The following ACVR1C variants were observed in gnomAD, a reference collection of about 807,000 sequenced individuals.
ACVR1C encodes activin A receptor type 1C.
A neutral mutation model predicts 57.9 loss-of-function variants in ACVR1C; 23 were observed. That is an observed-to-expected ratio of 0.40 (90% CI 0.29 to 0.56). The LOEUF (loss-of-function observed/expected upper bound fraction) is 0.56. Among genes scored for constraint, ACVR1C ranks in the 20% least tolerant of loss-of-function variants. The pLI is 0.50. For missense variants in ACVR1C, 480 were observed against 607.9 expected (o/e 0.79, Z 2.21); for synonymous variants, 214 against 215.3 (o/e 0.99, Z 0.05).
At chr2:157,562,305 A>ATATAT (rs56764410) in intron 2 of ACVR1C, among the ~76,000 whole-genome samples, 4 of 134,780 alleles carry the variant, frequency 3.0e-5, no homozygotes, top group Non-Finnish European at 6.2e-5. Flanking sequence ...AAAAAAAAAA[A>ATATAT]ATATATATAT....
intron 2 of ACVR1C, among the ~76,000 whole-genome samples, chr2:157,563,725 G>C (rs1200077994): frequency 1.3e-5 from 2 of 152,138 alleles, no homozygotes; most frequent in African/African-American, 4.8e-5. Flanking sequence ...TATACTGCAA[G>C]GCTACAGTAA....
chr2:157,556,240 C>T lies in ACVR1C; in HGVS notation c.397G>A (p.Val133Ile). ...CACTGTCGACCCTGGCATGCCCATA[C>T]TGTCAGCATCGCAGCTATGGACAGG... is the stretch of plus-strand genomic sequence containing the variant. ...CLLSIAAMLT[V>I]WACQGRQCSY... The change falls in exon 3 of 9, where the codon GTA becomes ATA. Residue 133 changes from valine (V) to isoleucine (I), a missense_variant. By Grantham distance (29) the Val-to-Ile change is conservative (BLOSUM62 3). Transcript: ENST00000243349. The T allele has an allele frequency of 6.2e-7, 1 of 1,614,154 alleles. No individual in the cohort carries two copies. Among genetic ancestry groups the T allele is most frequent in the Non-Finnish European group, 8.5e-7 (1 of 1,180,034 alleles).
chr2:157,626,994 A>G (rs1682909914), intron 1 of ACVR1C, among the ~76,000 whole-genome samples: 1 of 152,206 alleles, frequency 6.6e-6, no homozygotes, highest in Non-Finnish European at 1.5e-5. Flanking sequence ...CTTTTCAAGA[A>G]CATGAGGCAT....
intron 1 of ACVR1C, among the ~76,000 whole-genome samples, chr2:157,599,904 C>T (rs989766760): frequency 1.2e-4 from 19 of 152,344 alleles, no homozygotes; most frequent in African/African-American, 4.6e-4. Flanking sequence ...AGTTAGGAGA[C>T]TTGGGGTTCT....
chr2:157,599,375 A>C (rs1682228993), intron 1 of ACVR1C, among the ~76,000 whole-genome samples: 1 of 140,188 alleles, frequency 7.1e-6, no homozygotes, highest in Admixed American at 7.6e-5. Flanking sequence ...ATAGCCACCC[A>C]CTCCAAGCTA....
rs202227417 is a variant in ACVR1C at position 157,544,647 on chromosome 2, C to T, written c.776-35G>A. ...AAATGTAATTTTGTTGTTGTAAATACATATTGAGAAAGAAGCCAAAAGCTT... is the reference window on the plus strand; with the variant it reads ...AAATGTAATTTTGTTGTTGTAAATATATATTGAGAAAGAAGCCAAAAGCTT... On this transcript the variant is annotated intron_variant, in intron 4 of 8. Coordinates refer to ENST00000243349, the MANE Select transcript of ACVR1C (RefSeq NM_145259.3). The T allele has an allele frequency of 2.7e-4, 427 of 1,557,612 alleles. 5 individuals carry two copies. Among genetic ancestry groups the T allele is most frequent in the Admixed American group, 6.9e-4 (38 of 54,776 alleles).
At chr2:157,555,581 G>A (rs999733438) in intron 3 of ACVR1C, among the ~76,000 whole-genome samples, 1 of 152,136 alleles carries the variant, frequency 6.6e-6, no homozygotes, top group South Asian at 2.1e-4. Context: ...AATTTTAGGT[G>A]AGTTCCCTGT....
chr2:157,557,389 C>T (rs549276975), intron 2 of ACVR1C, among the ~76,000 whole-genome samples: 1 of 152,102 alleles, frequency 6.6e-6, no homozygotes, highest in Non-Finnish European at 1.5e-5. Flanking sequence ...GTTGGGAGAC[C>T]GTGGTGTTGG....
intron 1 of ACVR1C, among the ~76,000 whole-genome samples, chr2:157,592,495 T>C (rs1258598778): frequency 6.6e-6 from 1 of 152,140 alleles, no homozygotes; most frequent in Non-Finnish European, 1.5e-5. Flanking sequence ...GATTTGTTAA[T>C]GATAATGGCT....
intron 8 of ACVR1C, 78 bp from the exon 9 acceptor site, chr2:157,534,121 T>A: frequency 2.5e-6 from 3 of 1,222,932 alleles, no homozygotes; most frequent in Non-Finnish European, 2.1e-6. Flanking sequence ...AAGCCATAAA[T>A]CCAGGAATTG....
intron 2 of ACVR1C, among the ~76,000 whole-genome samples, chr2:157,576,168 G>A (rs1456348884): frequency 6.7e-6 from 1 of 149,784 alleles, no homozygotes; most frequent in African/African-American, 2.5e-5. Flanking sequence ...CTTCCCCCAA[G>A]GCAACCATTA....
intron 1 of ACVR1C, among the ~76,000 whole-genome samples, chr2:157,591,275 G>C (rs1689050947): frequency 6.6e-6 from 1 of 151,868 alleles, no homozygotes; most frequent in South Asian, 2.1e-4. Context: ...GTAGTATCTG[G>C]TGATGGTCCA....
chr2:157,548,858 A>G (rs554069466), intron 4 of ACVR1C, among the ~76,000 whole-genome samples: 1 of 152,324 alleles, frequency 6.6e-6, no homozygotes, highest in African/African-American at 2.4e-5. Flanking sequence ...AAAGTTCACT[A>G]AAATTGTCTC....
intron 8 of ACVR1C, among the ~76,000 whole-genome samples, chr2:157,535,638 G>A (rs1368020372): frequency 6.6e-6 from 1 of 152,042 alleles, no homozygotes; most frequent in African/African-American, 2.4e-5. Context: ...GACCAGCCTG[G>A]CCAACATAGT....
intron 2 of ACVR1C, among the ~76,000 whole-genome samples, chr2:157,577,423 T>C (rs904118427): frequency 1.3e-5 from 2 of 152,168 alleles, no homozygotes; most frequent in Non-Finnish European, 2.9e-5. Context: ...ATTTTCTTTA[T>C]TTTTGAGACT....
intron 3 of ACVR1C, among the ~76,000 whole-genome samples, chr2:157,554,147 C>G (rs570964245): frequency 6.9e-6 from 1 of 144,568 alleles, no homozygotes; most frequent in Non-Finnish European, 1.5e-5. Context: ...AGCACCACTG[C>G]ACTCCAGCCT....
chr2:157,626,864 T>C (rs773562386), intron 1 of ACVR1C, among the ~76,000 whole-genome samples: 7 of 152,200 alleles, frequency 4.6e-5, no homozygotes, highest in Non-Finnish European at 7.3e-5. Context: ...AATAAATACA[T>C]CTCTACTATA....
intron 1 of ACVR1C, among the ~76,000 whole-genome samples, chr2:157,622,763 C>T (rs903821716): frequency 2.6e-5 from 4 of 152,102 alleles, no homozygotes; most frequent in African/African-American, 9.7e-5. Flanking sequence ...AATGGGATCA[C>T]ATCAAGTTAA....
intron 2 of ACVR1C, among the ~76,000 whole-genome samples, chr2:157,564,647 C>T (rs1688317474): frequency 6.6e-6 from 1 of 152,192 alleles, no homozygotes; most frequent in African/African-American, 2.4e-5. Flanking sequence ...TCTAAAGACA[C>T]ATGCACACAT....
Sources: gnomAD v4.1 joint callset for allele counts (sites outside exome capture counted in the v4.1 genomes callset) on GRCh38, gnomAD v4.1.1 for gene constraint, MANE v1.5 for transcripts, NCBI Gene and HGNC (gene_info 2026-07-23, HGNC 2026-07-21) for gene names.